Variants in RHOA observed in about 807,000 individuals in gnomAD.
RHOA encodes the protein ras homolog family member A.
In RHOA, 3 loss-of-function variants were observed where a neutral mutation model predicts 17.5. That is an observed-to-expected ratio of 0.17 (90% CI 0.08 to 0.44). RHOA has a LOEUF of 0.44. RHOA is among the 20% of genes least tolerant of loss of function. The probability of loss-of-function intolerance (pLI) is 0.99; values close to 1 mark genes in which losing one functional copy is unlikely to be tolerated. For synonymous variants in RHOA, 98 were observed against 88.4 expected (o/e 1.11, Z -0.61); for missense variants, 56 against 242.3 (o/e 0.23, Z 5.10).
At chr3:49,390,501 TAA>T (rs1268820550) in intron 1 of RHOA, among the ~76,000 whole-genome samples, 9 of 151,372 alleles carry the variant, frequency 5.9e-5, no homozygotes, top group Non-Finnish European at 1.2e-4. Context: ...TGACCACAGG[TAA>T]TTCGCCTGCC....
At chr3:49,371,709 G>C (rs753214625) in intron 2 of RHOA, among the ~76,000 whole-genome samples, 16 of 152,140 alleles carry the variant, frequency 1.1e-4, no homozygotes, top group Non-Finnish European at 1.9e-4. Context: ...TTTATTCCAG[G>C]GGACTCTCCT....
At chr3:49,383,897 GC>G (rs2048356713) in intron 1 of RHOA, among the ~76,000 whole-genome samples, 2 of 152,114 alleles carry the variant, frequency 1.3e-5, no homozygotes, top group Admixed American at 1.3e-4. Context: ...GGGCATGGTG[GC>G]ATCTGCCTGT....
chr3:49,392,290 C>A (rs1012888061), intron 1 of RHOA, among the ~76,000 whole-genome samples: 3 of 150,472 alleles, frequency 2.0e-5, no homozygotes, highest in Non-Finnish European at 4.4e-5. Flanking sequence ...ATTAGCCAGG[C>A]GTGTTGGTGA....
chr3:49,398,825 G>A (rs1272876803), intron 1 of RHOA, among the ~76,000 whole-genome samples: 1 of 111,978 alleles, frequency 8.9e-6, no homozygotes, highest in Non-Finnish European at 1.7e-5. Context: ...GAGCGACACA[G>A]CGAGACTCCG....
At chr3:49,371,423 G>A (rs1029591012) in intron 2 of RHOA, among the ~76,000 whole-genome samples, 1 of 151,814 alleles carries the variant, frequency 6.6e-6, no homozygotes, top group African/African-American at 2.4e-5. Context: ...GGGATTACAA[G>A]TGCCTGCCAC....
rs2107829769 is a variant in RHOA at position 49,362,478 on chromosome 3, T to A, written c.408+18A>T. On this transcript the variant is annotated intron_variant, in intron 4 of 4. Transcript: ENST00000418115. ...CTAGTTCAAGAATACTACAAGACAGTCCTGCCCCAGATCATGCCTGCTTCA... is the reference window on the plus strand; with the variant it reads ...CTAGTTCAAGAATACTACAAGACAGACCTGCCCCAGATCATGCCTGCTTCA... The A allele has an allele frequency of 6.2e-7, 1 of 1,602,662 alleles. No homozygotes were observed. The highest frequency in any genetic ancestry group is 8.5e-7 in the Non-Finnish European group (1 of 1,173,518).
At chr3:49,375,346 G>A (rs2048209400) in intron 2 of RHOA, 88 bp downstream of exon 2, 1 of 1,291,312 alleles carries the variant, frequency 7.7e-7, no homozygotes. Flanking sequence ...ATGGTATACT[G>A]AAGAGGCAAA....
chr3:49,367,342 C>CAAAAAAAAAAAAAAAAAAAAAAAAAAA (rs62926260), intron 3 of RHOA, among the ~76,000 whole-genome samples: 4 of 80,498 alleles, frequency 5.0e-5, no homozygotes, highest in South Asian at 6.1e-4. Flanking sequence ...GACTCCCTCT[C>CAAAAAAAAAAAAAAAAAAAAAAAAAAA]AAAAAAAAAA....
intron 1 of RHOA, among the ~76,000 whole-genome samples, chr3:49,389,004 T>C (rs1314676728): frequency 6.6e-6 from 1 of 152,162 alleles, no homozygotes. Context: ...ACATGTTTCA[T>C]ACCATATTTG....
rs1381419025 is a variant in RHOA, at chr3:49,368,305, C to T, written c.277+123G>A. The stretch of plus-strand genomic sequence containing the variant: ...TCTACAATCCCAAACTCCAGGACTC[C>T]GGCCACTGACGATGATTGCTTCTCT... On this transcript the variant is annotated intron_variant, in intron 3 of 4. Transcript: ENST00000418115. The T allele has an allele frequency of 1.8e-5, 22 of 1,243,416 alleles. 1 individual carries two copies. Among genetic ancestry groups the T allele is most frequent in the African/African-American group, 6.0e-5 (4 of 66,760 alleles). The allele number at this position is 1,243,416 out of a possible 1,614,324, so 77.0% of individuals were successfully genotyped here. A position where few individuals can be genotyped will look rare whatever the true frequency, so the allele number is the denominator to read the frequency against.
At chr3:49,407,809 C>T (rs1394373993) in intron 1 of RHOA, among the ~76,000 whole-genome samples, 1 of 151,942 alleles carries the variant, frequency 6.6e-6, no homozygotes, top group Non-Finnish European at 1.5e-5. Context: ...AAACTTACTT[C>T]ATTGGCTGTG....
Position 49,360,160 on chromosome 3 carries a change from A to G in RHOA, c.*49T>C. 5.8e-6 allele frequency: 9 copies of G among 1,548,006 alleles called. No individual in the cohort carries two copies. The highest frequency in any genetic ancestry group is 7.9e-6 in the Non-Finnish European group (9 of 1,141,966). ...CAGTAATCATACACTAAGATTAATA[A>G]ACAGCACTTCAAAATTAACCGCATA... On this transcript the variant is annotated 3_prime_UTR_variant, in exon 5 of 5. Transcript: ENST00000418115.
At chr3:49,403,845 G>A (rs2048767503) in intron 1 of RHOA, among the ~76,000 whole-genome samples, 1 of 152,046 alleles carries the variant, frequency 6.6e-6, no homozygotes, top group African/African-American at 2.4e-5. Flanking sequence ...TGGGGAACTG[G>A]ATTCCAAGTT....
intron 1 of RHOA, among the ~76,000 whole-genome samples, chr3:49,380,458 AGCACACTGGGAGG>A (rs927357924): frequency 6.6e-6 from 1 of 152,156 alleles, no homozygotes; most frequent in African/African-American, 2.4e-5. Flanking sequence ...CTGTAATCCC[AGCACACTGGGAGG>A]CCGAGGCGGG....
chr3:49,394,530 T>C (rs1245369795), intron 1 of RHOA, among the ~76,000 whole-genome samples: 1 of 152,008 alleles, frequency 6.6e-6, no homozygotes, highest in Non-Finnish European at 1.5e-5. Context: ...TTTGTAATTT[T>C]AGTAGAGATG....
intron 1 of RHOA, among the ~76,000 whole-genome samples, chr3:49,401,222 C>T (rs183132680): frequency 2.0e-5 from 3 of 151,976 alleles, no homozygotes; most frequent in East Asian, 1.9e-4. Flanking sequence ...CAAGTAACAA[C>T]GCATAGTATG....
intron 1 of RHOA, among the ~76,000 whole-genome samples, chr3:49,388,974 G>T (rs1359576827): frequency 6.6e-6 from 1 of 152,138 alleles, no homozygotes; most frequent in African/African-American, 2.4e-5. Flanking sequence ...CTCAGTAAAA[G>T]AAACCAGTCA....
At chr3:49,408,278 G>A (rs1229824369) in intron 1 of RHOA, among the ~76,000 whole-genome samples, 1 of 102,556 alleles carries the variant, frequency 9.8e-6, no homozygotes, top group African/African-American at 3.4e-5. Context: ...ACGTATATAC[G>A]TATACACAAG....
chr3:49,372,972 G>C (rs2048169412), intron 2 of RHOA, among the ~76,000 whole-genome samples: 2 of 152,104 alleles, frequency 1.3e-5, no homozygotes, highest in African/African-American at 4.8e-5. Context: ...CTGAGCAGCT[G>C]ATCTAACCCA....
Sources: allele counts gnomAD v4.1 joint callset (sites outside exome capture counted in the v4.1 genomes callset), GRCh38; gene constraint gnomAD v4.1.1; transcripts MANE v1.5; gene names NCBI Gene and HGNC (gene_info 2026-07-23, HGNC 2026-07-21).